WNT8A: variants seen among roughly 807,000 people sequenced by gnomAD.
WNT8A encodes Wnt family member 8A.
Under a neutral mutation model 20.5 loss-of-function variants are expected in WNT8A, and 14 were observed. The observed-to-expected ratio is 0.68, with a 90% CI of 0.45 to 1.07. The LOEUF (loss-of-function observed/expected upper bound fraction) is 1.07. Ranked by LOEUF, WNT8A falls within the 50% of genes least tolerant of loss-of-function variation. The probability of loss-of-function intolerance (pLI) is 0.00; values close to 1 mark genes in which losing one functional copy is unlikely to be tolerated. For synonymous variants in WNT8A, 167 were observed against 169.2 expected, an observed-to-expected ratio of 0.99 and a Z score of 0.10; for missense variants, 397 against 462.9, an observed-to-expected ratio of 0.86 and a Z score of 1.31.
Position 138,084,447 on chromosome 5 carries a change from C to A in WNT8A, c.157-51C>A, listed in dbSNP as rs746134616. On this transcript the variant is annotated intron_variant, in intron 1 of 4. Coordinates refer to ENST00000506684, the MANE Select transcript of WNT8A (RefSeq NM_001300939.2). The stretch of plus-strand genomic sequence containing the variant: ...TCTGAGTCCTGCCTGCTCCCCCAAC[C>A]ACAGATGACCCATACCGGGCAGAAG... 8.3e-6 allele frequency: 13 copies of A among 1,558,414 alleles called. No homozygotes were observed. The Admixed American group carries it at 2.1e-4, about 25-fold the overall frequency.
rs183202007 is a variant in WNT8A, at chr5:138,088,599, G to A, written c.422-328G>A. Among the ~76,000 whole-genome samples the A allele has an allele frequency of 7.8e-3, 1,188 of 152,150 alleles. 7 individuals are homozygous for A. Among genetic ancestry groups the A allele is most frequent in the Non-Finnish European group, 0.014 (923 of 68,004 alleles). On this transcript the variant is annotated intron_variant, in intron 3 of 4. Transcript: ENST00000506684. The stretch of plus-strand genomic sequence containing the variant: ...TCTTGATCTCCTGACCTCGTGATCC[G>A]CCTGCCTTGGCCTCCCAAAGTGCTG...
chr5:138,091,245 C>A lies in WNT8A; in HGVS notation c.*172C>A. ...GAGGCCCAAGATTCTACAGCATATT[C>A]CTGGCGGGGCTGAAATTGGAACCTG... On this transcript the variant is annotated 3_prime_UTR_variant, in exon 5 of 5. Coordinates refer to ENST00000506684, the MANE Select transcript of WNT8A (RefSeq NM_001300939.2). The A allele has an allele frequency of 6.4e-7, 1 of 1,571,072 alleles. No individual in the cohort carries two copies. Among genetic ancestry groups the A allele is most frequent in the Non-Finnish European group, 8.6e-7 (1 of 1,167,080 alleles).
upstream of WNT8A, chr5:138,083,919 G>GC: frequency 5.0e-6 from 3 of 601,578 alleles, no homozygotes; most frequent in Non-Finnish European, 8.2e-6. Flanking sequence ...CCCCCACTGG[G>GC]CCGGTGGCTC....
the WNT8A span, among the ~76,000 whole-genome samples, chr5:138,078,863 C>T: frequency 6.6e-6 from 1 of 152,116 alleles, no homozygotes; most frequent in Non-Finnish European, 1.5e-5. Flanking sequence ...GATAATAGTC[C>T]TCAATGCTTC....
chr5:138,089,148 A>G (rs1750768475), intron 4 of WNT8A, 79 bp downstream of exon 4: 1 of 1,538,002 alleles, frequency 6.5e-7, no homozygotes, highest in Admixed American at 2.0e-5. Context: ...GAGCTGTCTT[A>G]TACGTTCTTT....
At chr5:138,085,813 C>A (rs1326667655) in intron 2 of WNT8A, among the ~76,000 whole-genome samples, 1 of 138,420 alleles carries the variant, frequency 7.2e-6, no homozygotes, top group Non-Finnish European at 1.5e-5. Context: ...ATGATCACAC[C>A]ACTACACTCC....
At position 138,088,993 on chromosome 5, in the gene WNT8A, T is replaced by G; in HGVS notation, c.488T>G (p.Leu163Arg). 1 of 1,613,968 alleles carries G rather than the reference T, an allele frequency of 6.2e-7. No homozygotes were observed. Among genetic ancestry groups the G allele is most frequent in the Non-Finnish European group, 8.5e-7 (1 of 1,180,020 alleles). ...NVEFGERISK[L>R]FVDSLEKGKD... ...GAATTTGGGGAAAGGATCTCCAAAC[T>G]CTTTGTGGACAGTTTGGAGAAGGGG... The change falls in exon 4 of 5, where the codon CTC (leucine) becomes CGC (arginine). Residue 163 changes from leucine to arginine, a missense_variant. Physicochemically the swap from Leu to Arg is moderately radical, Grantham distance 102. Coordinates refer to ENST00000506684, the MANE Select transcript of WNT8A (RefSeq NM_001300939.2).
chr5:138,089,892 G>A (rs1483953113), intron 4 of WNT8A, among the ~76,000 whole-genome samples: 1 of 152,148 alleles, frequency 6.6e-6, no homozygotes, highest in Non-Finnish European at 1.5e-5. Context: ...GGCCTCCTGG[G>A]CTCAAGCGAT....
At position 138,091,001 on chromosome 5, in the gene WNT8A, G is replaced by A; in HGVS notation, c.1038G>A (p.Arg346=). ...GTACGGTCAAGTGTGACCAGTGTAG[G>A]CATGTGGTGAGCAAGTATTACTGCG... ...WCCTVKCDQC[R]HVVSKYYCAR... The change falls in exon 5 of 5, where the codon AGG becomes AGA. Residue 346 remains arginine (R), a synonymous_variant. Transcript: ENST00000506684. The A allele has an allele frequency of 6.2e-7, 1 of 1,614,128 alleles. No homozygotes were observed. The highest frequency in any genetic ancestry group is 1.7e-5 in the Admixed American group (1 of 60,018).
chr5:138,083,875 G>A, upstream of WNT8A: 1 of 486,424 alleles, frequency 2.1e-6, no homozygotes, highest in Non-Finnish European at 3.6e-6. Flanking sequence ...GCAGGGCGGG[G>A]CTTTTGGCGA....
chr5:138,077,729 C>CT, the WNT8A span, among the ~76,000 whole-genome samples: 2 of 152,262 alleles, frequency 1.3e-5, no homozygotes, highest in East Asian at 3.9e-4. Flanking sequence ...CCCTCCAACT[C>CT]TAACTCTTCC....
chr5:138,077,727 C>A, the WNT8A span, among the ~76,000 whole-genome samples: 2 of 152,182 alleles, frequency 1.3e-5, no homozygotes, highest in Non-Finnish European at 2.9e-5. Flanking sequence ...GCCCCTCCAA[C>A]TCTAACTCTT....
the WNT8A span, among the ~76,000 whole-genome samples, chr5:138,078,383 C>A: frequency 6.6e-6 from 1 of 152,278 alleles, no homozygotes; most frequent in East Asian, 1.9e-4. Flanking sequence ...TCTCCAGTCA[C>A]CTCCACCCCC....
At chr5:138,091,910 C>T (rs1219428210), downstream of WNT8A, among the ~76,000 whole-genome samples, 4 of 72,072 alleles carry the variant, frequency 5.6e-5, no homozygotes, top group African/African-American at 1.7e-4. Flanking sequence ...TCTTCCCACC[C>T]ACGCCTGGGG....
intron 3 of WNT8A, 121 bp downstream of exon 3, chr5:138,088,052 A>C: frequency 7.1e-7 from 1 of 1,413,638 alleles, no homozygotes; most frequent in Admixed American, 2.2e-5. Context: ...GACTCCAGCA[A>C]CTCCTTCAAT....
upstream of WNT8A, among the ~76,000 whole-genome samples, chr5:138,083,645 G>A (rs917285023): frequency 2.6e-5 from 4 of 152,214 alleles, no homozygotes; most frequent in African/African-American, 7.2e-5. Flanking sequence ...GCAGGACAGA[G>A]AGTGGGCTCT....
intron 3 of WNT8A, among the ~76,000 whole-genome samples, 163 bp from the exon 4 acceptor site, chr5:138,088,764 A>G (rs1235004218): frequency 6.6e-6 from 1 of 152,070 alleles, no homozygotes; most frequent in Non-Finnish European, 1.5e-5. Context: ...AAGGGTGGGC[A>G]GTTGGCTTTG....
Position 138,091,414 on chromosome 5 carries a change from T to C in WNT8A, c.*341T>C. 1 of 1,367,054 alleles carries C rather than the reference T, an allele frequency of 7.3e-7. No homozygotes were observed. Among genetic ancestry groups the C allele is most frequent in the Admixed American group, 1.9e-5 (1 of 52,948 alleles). 84.7% of individuals were successfully genotyped at this position (1,367,054 alleles called of 1,614,324 possible). On this transcript the variant is annotated 3_prime_UTR_variant, in exon 5 of 5. Transcript: ENST00000506684. ...GGGACCTTCAAAGTATTTGTTCCTT[T>C]AAATTTCAGACCATGTCCAACCCAG...
At chr5:138,083,970 G>T (rs1024322125), upstream of WNT8A, 34 of 955,410 alleles carry the variant, frequency 3.6e-5, 1 homozygote, top group South Asian at 6.5e-4. Context: ...AAGAGCTGCT[G>T]ATTTCCTCCC....
Sources: allele counts gnomAD v4.1 joint callset (sites outside exome capture counted in the v4.1 genomes callset), GRCh38; gene constraint gnomAD v4.1.1; transcripts MANE v1.5; gene names NCBI Gene and HGNC (gene_info 2026-07-23, HGNC 2026-07-21).